CSMD1: variants seen among roughly 807,000 people sequenced by gnomAD.
The protein encoded by CSMD1 is CUB and sushi domain-containing protein 1.
Under a neutral mutation model 417.5 loss-of-function variants are expected in CSMD1, and 213 were observed. The ratio of observed to expected loss-of-function variants is 0.51; its 90% CI spans 0.46 to 0.57. The LOEUF (loss-of-function observed/expected upper bound fraction) is 0.57. Ranked by LOEUF, CSMD1 falls within the 20% of genes least tolerant of loss-of-function variation. The pLI is 0.00. For synonymous variants in CSMD1, 2,862 were observed against 1,736.8 expected, an observed-to-expected ratio of 1.65 and a Z score of -16.11; for missense variants, 6,923 against 4,529.7, an observed-to-expected ratio of 1.53 and a Z score of -15.17.
chr8:4,966,209 C>CAA (rs33941630), intron 1 of CSMD1, among the ~76,000 whole-genome samples: 11,167 of 89,018 alleles, frequency 0.13, 761 homozygotes, highest in East Asian at 0.41. Flanking sequence ...ACTAAATATA[C>CAA]AAAAAAAAAA....
At chr8:4,896,095 T>G (rs1374325394) in intron 1 of CSMD1, among the ~76,000 whole-genome samples, 1 of 152,082 alleles carries the variant, frequency 6.6e-6, no homozygotes, top group Non-Finnish European at 1.5e-5. Flanking sequence ...GTCTGAAAAT[T>G]TTTTTCTGCC....
rs146594174 is a variant in CSMD1, at chr8:3,890,787, C to T, written c.818+107116G>A. On this transcript the variant is annotated intron_variant, in intron 5 of 69. Transcript: ENST00000635120. ...TAATGTTTGAGCAAATTTTTGTCCTCAGACATTTCCAGGGACTAAAATATA... is the reference window on the plus strand; with the variant it reads ...TAATGTTTGAGCAAATTTTTGTCCTTAGACATTTCCAGGGACTAAAATATA... 1.8e-3 allele frequency among the ~76,000 whole-genome samples: 270 copies of T among 152,224 alleles called. 2 individuals are homozygous for T. The highest frequency in any genetic ancestry group is 1.6e-3 in the Non-Finnish European group (111 of 68,022).
intron 5 of CSMD1, among the ~76,000 whole-genome samples, chr8:3,780,952 T>G (rs529653600): frequency 6.6e-6 from 1 of 152,292 alleles, no homozygotes; most frequent in Non-Finnish European, 1.5e-5. Flanking sequence ...AATAAAGCTC[T>G]AAAGATATCT....
intron 1 of CSMD1, among the ~76,000 whole-genome samples, chr8:4,915,566 G>A (rs575137397): frequency 6.6e-6 from 1 of 152,334 alleles, no homozygotes; most frequent in Non-Finnish European, 1.5e-5. Flanking sequence ...TGCGTCTGCA[G>A]TAGAGGGCAG....
At chr8:3,575,600 C>T (rs1041660128) in intron 9 of CSMD1, among the ~76,000 whole-genome samples, 1 of 152,280 alleles carries the variant, frequency 6.6e-6, no homozygotes, top group South Asian at 2.1e-4. Context: ...TCCAAAGTCA[C>T]TTTCGAGCTT....
At chr8:3,616,868 C>A in intron 7 of CSMD1, 71 bp from the exon 8 acceptor site, 1 of 1,085,520 alleles carries the variant, frequency 9.2e-7, no homozygotes, top group South Asian at 1.5e-5. Context: ...AAAATTTATT[C>A]TAGGCATTTT....
chr8:4,002,032 A>G (rs1158560205), intron 4 of CSMD1, among the ~76,000 whole-genome samples: 1 of 152,188 alleles, frequency 6.6e-6, no homozygotes, highest in Non-Finnish European at 1.5e-5. Context: ...AATTGTTTGT[A>G]TAGCACTCCA....
At chr8:3,374,486 G>C (rs899368522) in intron 18 of CSMD1, among the ~76,000 whole-genome samples, 21 of 152,102 alleles carry the variant, frequency 1.4e-4, no homozygotes, top group African/African-American at 5.1e-4. Flanking sequence ...CAGATAACGA[G>C]GTCTGATTTA....
intron 9 of CSMD1, among the ~76,000 whole-genome samples, 189 bp from the exon 10 acceptor site, chr8:3,575,255 T>C (rs557177357): frequency 1.1e-4 from 17 of 152,034 alleles, no homozygotes; most frequent in South Asian, 4.2e-4. Context: ...GGCAGGACTT[T>C]TGCTTGGTAT....
At chr8:3,447,297 T>A (rs1393277448) in intron 12 of CSMD1, among the ~76,000 whole-genome samples, 1 of 151,852 alleles carries the variant, frequency 6.6e-6, no homozygotes, top group Non-Finnish European at 1.5e-5. Context: ...AATATTTTAA[T>A]GAAATAAAAA....
At chr8:3,216,077 C>T (rs912102113) in intron 29 of CSMD1, among the ~76,000 whole-genome samples, 2 of 149,586 alleles carry the variant, frequency 1.3e-5, no homozygotes, top group African/African-American at 4.9e-5. Flanking sequence ...TAAGTTTTCT[C>T]ATTTAAGAAT....
At position 4,253,335 on chromosome 8, in the gene CSMD1, G is replaced by A. The variant is rs577167772; in HGVS notation, c.415+166618C>T. 3.9e-5 allele frequency among the ~76,000 whole-genome samples: 6 copies of A among 151,988 alleles called. No homozygotes were observed. In the East Asian group the frequency reaches 5.8e-4, roughly 15 times the overall value. On this transcript the variant is annotated intron_variant, in intron 3 of 69. Coordinates refer to ENST00000635120, the MANE Select transcript of CSMD1 (RefSeq NM_033225.6). The stretch of plus-strand genomic sequence containing the variant: ...TTTGTCTCTTTTTTCCCCTACTATA[G>A]AACTTATCACTGTATATTATAATTA...
At chr8:4,642,717 G>A (rs1360586731) in intron 1 of CSMD1, among the ~76,000 whole-genome samples, 1 of 152,228 alleles carries the variant, frequency 6.6e-6, no homozygotes, top group East Asian at 1.9e-4. Flanking sequence ...GAAGTGGGGT[G>A]TGTAGCTTAG....
chr8:4,294,474 T>C (rs1156484602), intron 3 of CSMD1, among the ~76,000 whole-genome samples: 3 of 152,122 alleles, frequency 2.0e-5, no homozygotes, highest in Non-Finnish European at 4.4e-5. Flanking sequence ...AAATCACTGA[T>C]CTCTGTTGTT....
intron 5 of CSMD1, among the ~76,000 whole-genome samples, chr8:3,771,323 G>T (rs146506794): frequency 6.6e-6 from 1 of 152,120 alleles, no homozygotes; most frequent in South Asian, 2.1e-4. Flanking sequence ...TACTCTCAGG[G>T]ATAACAGACA....
Position 3,909,037 on chromosome 8 carries a change from G to C in CSMD1, c.818+88866C>G, listed in dbSNP as rs150673628. Among the ~76,000 whole-genome samples, 416 of 152,256 alleles carry C rather than the reference G, an allele frequency of 2.7e-3. 1 individual carries two copies. Among genetic ancestry groups the C allele is most frequent in the African/African-American group, 9.4e-3 (390 of 41,550 alleles). Reference sequence around the variant, plus strand: ...GGCTTGCCTTTCTTTTTCACATTGTGGGTGAAATGCGGGGAGCAGCTGAGA... The same window carrying C: ...GGCTTGCCTTTCTTTTTCACATTGTCGGTGAAATGCGGGGAGCAGCTGAGA... On this transcript the variant is annotated intron_variant, in intron 5 of 69. Coordinates refer to ENST00000635120, the MANE Select transcript of CSMD1 (RefSeq NM_033225.6).
At chr8:3,884,131 T>C (rs553216436) in intron 5 of CSMD1, among the ~76,000 whole-genome samples, 1 of 152,292 alleles carries the variant, frequency 6.6e-6, no homozygotes, top group South Asian at 2.1e-4. Flanking sequence ...CAGTTTCGAA[T>C]TTTTATTCCT....
intron 5 of CSMD1, among the ~76,000 whole-genome samples, chr8:3,765,814 G>A (rs547791535): frequency 6.6e-6 from 1 of 152,166 alleles, no homozygotes; most frequent in Non-Finnish European, 1.5e-5. Context: ...ACAGGTCTCA[G>A]GAATCCAGTG....
intron 10 of CSMD1, among the ~76,000 whole-genome samples, chr8:3,509,869 T>C (rs1191034601): frequency 6.6e-6 from 1 of 152,086 alleles, no homozygotes; most frequent in African/African-American, 2.4e-5. Context: ...CCCAACTCTG[T>C]GGCCATGGTA....
Sources: allele counts gnomAD v4.1 joint callset (sites outside exome capture counted in the v4.1 genomes callset), GRCh38; gene constraint gnomAD v4.1.1; transcripts MANE v1.5; gene names NCBI Gene and HGNC (gene_info 2026-07-23, HGNC 2026-07-21).